The following NSD2 variants were observed in gnomAD, a reference collection of about 807,000 sequenced individuals.
NSD2 encodes histone-lysine N-methyltransferase NSD2.
In NSD2, 12 loss-of-function variants were observed where a neutral mutation model predicts 139.0. That is an observed-to-expected ratio of 0.09 (90% CI 0.06 to 0.14). NSD2 has a LOEUF of 0.14. NSD2 is among the 10% of genes least tolerant of loss of function. The probability of loss-of-function intolerance (pLI) is 1.00; values close to 1 mark genes in which losing one functional copy is unlikely to be tolerated. For synonymous variants in NSD2, 669 were observed against 648.7 expected, an observed-to-expected ratio of 1.03 and a Z score of -0.48; for missense variants, 1,155 against 1,745.0, an observed-to-expected ratio of 0.66 and a Z score of 6.02.
chr4:1,926,230 C>T (rs1268868764), intron 5 of NSD2, among the ~76,000 whole-genome samples: 1 of 150,384 alleles, frequency 6.6e-6, no homozygotes, highest in African/African-American at 2.5e-5. Context: ...TCTCGGCTCA[C>T]TGCAACCTCC....
Position 1,974,017 on chromosome 4 carries a change from G to A in NSD2, c.3373-846G>A, listed in dbSNP as rs1416008775. 6.6e-6 allele frequency among the ~76,000 whole-genome samples: 1 copy of A among 152,092 alleles called. No homozygotes were observed. Among genetic ancestry groups the A allele is most frequent in the Non-Finnish European group, 1.5e-5 (1 of 68,014 alleles). ...CGTGCTTGCATTTGTGATTCCCGTGGCCCTTATCAGGTTGCTGCCTCGAAA... is the reference window on the plus strand; with the variant it reads ...CGTGCTTGCATTTGTGATTCCCGTGACCCTTATCAGGTTGCTGCCTCGAAA... On this transcript the variant is annotated intron_variant, in intron 18 of 21. Transcript: ENST00000508803. The surrounding 1 kb of genome is among the most constrained non-coding windows in gnomAD (Gnocchi z 4.0).
Position 1,930,640 on chromosome 4 carries a change from C to T in NSD2, c.1425C>T (p.His475=), listed in dbSNP as rs368232446. 4.3e-6 allele frequency: 7 copies of T among 1,610,892 alleles called. No individual in the cohort carries two copies. Among genetic ancestry groups the T allele is most frequent in the Non-Finnish European group, 5.9e-6 (7 of 1,178,308 alleles). Residue 475 remains histidine, a synonymous_variant, in exon 6 of 22, where the codon CAC becomes CAT. Coordinates refer to ENST00000508803, the MANE Select transcript of NSD2 (RefSeq NM_001042424.3). ...CGTTCCCACAGGTGGTAGCTGAGCA[C>T]CCAGATGCTTCAGGTGAGGAGATTG... is the stretch of plus-strand genomic sequence containing the variant. The part of the protein sequence containing the change: ...QKHRDEVVAE[H]PDASGEEIEE...
chr4:1,937,663 C>T lies in NSD2; in HGVS notation c.1675-788C>T, dbSNP rs981767692. Among the ~76,000 whole-genome samples, 5 of 152,306 alleles carry T rather than the reference C, an allele frequency of 3.3e-5. No individual in the cohort carries two copies. The South Asian group carries it at 6.2e-4, about 19-fold the overall frequency. ...CACTGTCCCAAGTGCATTCTCCTGT[C>T]GCCTTGTCCATGATCCTCTGGATTC... On this transcript the variant is annotated intron_variant, in intron 7 of 21. Transcript: ENST00000508803.
rs149232578 is a variant in NSD2 at position 1,979,430 on chromosome 4, G to C, written c.*521G>C. On this transcript the variant is annotated 3_prime_UTR_variant, in exon 22 of 22. Transcript: ENST00000508803. ...ATCATTACTCTGCTCTTTGGAAATG[G>C]CTGTATCATTTTTTTGTACTAATGT... 4.3e-6 allele frequency: 1 copy of C among 233,578 alleles called. No individual in the cohort carries two copies. The highest frequency in any genetic ancestry group is 8.4e-6 in the Non-Finnish European group (1 of 118,382). The allele number at this position is 233,578 out of a possible 1,614,324, so 14.5% of individuals were successfully genotyped here.
chr4:1,902,069 T>C (rs1223694148), intron 2 of NSD2, among the ~76,000 whole-genome samples: 1 of 152,190 alleles, frequency 6.6e-6, no homozygotes, highest in East Asian at 1.9e-4. Flanking sequence ...CAGCAGTCTC[T>C]GTTCATCTGG....
intron 5 of NSD2, among the ~76,000 whole-genome samples, chr4:1,923,500 C>T (rs1720441885): frequency 6.6e-6 from 1 of 152,120 alleles, no homozygotes; most frequent in South Asian, 2.1e-4. Flanking sequence ...TGTTACGATC[C>T]TGGTGGGATG....
At chr4:1,881,355 T>C (rs995649515) in intron 1 of NSD2, among the ~76,000 whole-genome samples, 1 of 152,096 alleles carries the variant, frequency 6.6e-6, no homozygotes, top group Non-Finnish European at 1.5e-5. Context: ...CTCCGCCTCC[T>C]GGGTTTACGC....
intron 21 of NSD2, among the ~76,000 whole-genome samples, chr4:1,978,167 G>C (rs1415969862): frequency 6.6e-6 from 1 of 152,148 alleles, no homozygotes; most frequent in Non-Finnish European, 1.5e-5. Context: ...AAACATTTTT[G>C]TACGGTAAAG....
intron 1 of NSD2, among the ~76,000 whole-genome samples, chr4:1,895,459 C>G (rs1716141200): frequency 6.6e-6 from 1 of 152,194 alleles, no homozygotes; most frequent in Admixed American, 6.5e-5. Context: ...CTGATTCTCT[C>G]AGATTTATCT....
At chr4:1,902,628 A>G (rs945965246) in intron 2 of NSD2, among the ~76,000 whole-genome samples, 4 of 152,136 alleles carry the variant, frequency 2.6e-5, no homozygotes, top group Non-Finnish European at 4.4e-5. Context: ...GTTTTGAGAC[A>G]GGGTCTTGGT....
chr4:1,923,794 A>G (rs1467683575), intron 5 of NSD2, among the ~76,000 whole-genome samples: 1 of 152,226 alleles, frequency 6.6e-6, no homozygotes, highest in African/African-American at 2.4e-5. Flanking sequence ...GTGACAGACT[A>G]TGGTATGTTC....
At chr4:1,975,260 T>C in intron 19 of NSD2, 34 bp from the exon 20 acceptor site, 1 of 1,602,164 alleles carries the variant, frequency 6.2e-7, no homozygotes, top group Non-Finnish European at 8.6e-7. Context: ...AAGGCAGGTG[T>C]TTCCAATTTG....
intron 5 of NSD2, among the ~76,000 whole-genome samples, chr4:1,922,317 A>G (rs942787492): frequency 2.0e-5 from 3 of 152,254 alleles, no homozygotes; most frequent in Non-Finnish European, 4.4e-5. Flanking sequence ...TGTAATGTTA[A>G]AAAAGATACC....
intron 3 of NSD2, among the ~76,000 whole-genome samples, chr4:1,915,867 T>C (rs1182705686): frequency 1.2e-4 from 19 of 152,210 alleles, no homozygotes; most frequent in Admixed American, 1.1e-3. Context: ...GCCCCCACCC[T>C]GTGCCAGGGA....
chr4:1,873,484 G>A (rs1225942972), intron 1 of NSD2, among the ~76,000 whole-genome samples: 1 of 152,154 alleles, frequency 6.6e-6, no homozygotes, highest in East Asian at 1.9e-4. Flanking sequence ...CTTATCCAGG[G>A]CTTTCAAACC....
intron 5 of NSD2, among the ~76,000 whole-genome samples, chr4:1,919,977 G>A (rs1282289081): frequency 1.3e-5 from 2 of 152,064 alleles, no homozygotes; most frequent in Non-Finnish European, 2.9e-5. Flanking sequence ...AATTTTCCAT[G>A]AATCTTTAAC....
chr4:1,884,847 G>A (rs1041081093), intron 1 of NSD2, among the ~76,000 whole-genome samples: 3 of 151,850 alleles, frequency 2.0e-5, no homozygotes, highest in South Asian at 2.1e-4. Flanking sequence ...GGTGGCTCAC[G>A]CCAGTAATCC....
intron 3 of NSD2, among the ~76,000 whole-genome samples, chr4:1,913,652 A>G (rs1179306780): frequency 1.3e-5 from 2 of 152,192 alleles, no homozygotes; most frequent in Non-Finnish European, 2.9e-5. Context: ...TGTCTGGTGG[A>G]CACATGACTC....
chr4:1,958,732 A>C lies in NSD2; in HGVS notation c.2985+696A>C, dbSNP rs1245184260. 6.6e-6 allele frequency among the ~76,000 whole-genome samples: 1 copy of C among 152,204 alleles called. No individual in the cohort carries two copies. Among genetic ancestry groups the C allele is most frequent in the African/African-American group, 2.4e-5 (1 of 41,444 alleles). ...TGCTCTGTATTCATCTTTATATAAT[A>C]TTTTCTTTGGGATGGATTCCCAGAA... On this transcript the variant is annotated intron_variant, in intron 16 of 21. Transcript: ENST00000508803. This position sits in a 1 kb window ranked among gnomAD's most constrained non-coding sequence, Gnocchi z 4.6.
Sources: allele counts gnomAD v4.1 joint callset (sites outside exome capture counted in the v4.1 genomes callset), GRCh38; gene constraint gnomAD v4.1.1; non-coding constraint Gnocchi (gnomAD v3.1); transcripts MANE v1.5; gene names NCBI Gene and HGNC (gene_info 2026-07-23, HGNC 2026-07-21).